Variants in TTLL5 observed in about 807,000 individuals in gnomAD.
The protein encoded by TTLL5 is tubulin polyglutamylase TTLL5.
In TTLL5, 132 loss-of-function variants were observed where a neutral mutation model predicts 168.4. The ratio of observed to expected loss-of-function variants is 0.78; its 90% CI spans 0.68 to 0.91. TTLL5 has a LOEUF of 0.91. TTLL5 is among the 40% of genes least tolerant of loss of function. The probability of loss-of-function intolerance (pLI) is 0.00; values close to 1 mark genes in which losing one functional copy is unlikely to be tolerated. For synonymous variants in TTLL5, 546 were observed against 558.6 expected, an observed-to-expected ratio of 0.98 and a Z score of 0.32; for missense variants, 1,545 against 1,581.5, an observed-to-expected ratio of 0.98 and a Z score of 0.39.
chr14:75,909,083 C>T lies in TTLL5; in HGVS notation c.3823+6859C>T, dbSNP rs1474609520. Reference sequence around the variant, plus strand: ...GTGAACCACCACACCTGGCCATTTTCTGTATTCTTAGTGCCCTGGCATTTG... The same window carrying T: ...GTGAACCACCACACCTGGCCATTTTTTGTATTCTTAGTGCCCTGGCATTTG... On this transcript the variant is annotated intron_variant, in intron 31 of 31. Transcript: ENST00000298832. 2.0e-5 allele frequency among the ~76,000 whole-genome samples: 3 copies of T among 151,996 alleles called. No individual in the cohort carries two copies. The East Asian group carries it at 5.8e-4, about 29-fold the overall frequency.
intron 31 of TTLL5, among the ~76,000 whole-genome samples, chr14:75,930,397 C>T (rs748857130): frequency 1.3e-4 from 20 of 152,092 alleles, no homozygotes; most frequent in Admixed American, 3.9e-4. Flanking sequence ...TGAGTGCTAA[C>T]GTGACACTCA....
intron 9 of TTLL5, among the ~76,000 whole-genome samples, chr14:75,708,743 AC>A (rs1191597058): frequency 6.6e-6 from 1 of 151,990 alleles, no homozygotes; most frequent in African/African-American, 2.4e-5. Flanking sequence ...GTTTTTGTAA[AC>A]CCTTTAAATT....
chr14:75,733,128 A>G (rs1566831575), intron 13 of TTLL5, among the ~76,000 whole-genome samples: 1 of 152,216 alleles, frequency 6.6e-6, no homozygotes, highest in African/African-American at 2.4e-5. Flanking sequence ...CAGATTGACT[A>G]CTTTTGGAGT....
intron 13 of TTLL5, 62 bp downstream of exon 13, chr14:75,732,481 T>G: frequency 6.8e-7 from 1 of 1,461,926 alleles, no homozygotes; most frequent in Non-Finnish European, 9.5e-7. Flanking sequence ...AGCACTTTTT[T>G]TTTTTTGATC....
chr14:75,719,238 A>G (rs117192088), intron 10 of TTLL5, among the ~76,000 whole-genome samples: 1,890 of 152,280 alleles, frequency 0.012, 16 homozygotes, highest in South Asian at 0.026. Context: ...AGAGGAGGGA[A>G]CCTGCTTCAG....
chr14:75,785,946 C>A (rs767931440), intron 26 of TTLL5, among the ~76,000 whole-genome samples: 2 of 152,126 alleles, frequency 1.3e-5, no homozygotes, highest in Non-Finnish European at 2.9e-5. Context: ...ATCTGTGGAT[C>A]AGTTTGGGGA....
At chr14:75,681,734 C>A in intron 4 of TTLL5, 107 bp downstream of exon 4, 2 of 909,232 alleles carry the variant, frequency 2.2e-6, no homozygotes, top group Non-Finnish European at 3.5e-6. Flanking sequence ...GTACATGGGA[C>A]CAATGCTTAG....
chr14:75,681,929 G>A (rs1472669300), intron 4 of TTLL5, among the ~76,000 whole-genome samples: 3 of 152,014 alleles, frequency 2.0e-5, no homozygotes, highest in Non-Finnish European at 4.4e-5. Flanking sequence ...TTGATTGCAG[G>A]CAACTGAACA....
intron 4 of TTLL5, among the ~76,000 whole-genome samples, chr14:75,681,916 T>G (rs915388016): frequency 1.3e-5 from 2 of 152,070 alleles, no homozygotes; most frequent in African/African-American, 4.8e-5. Flanking sequence ...CAATTAAGGT[T>G]CTTTGATTGC....
intron 9 of TTLL5, chr14:75,711,517 T>A (rs1887075177): frequency 6.6e-6 from 1 of 152,054 alleles, no homozygotes; most frequent in Non-Finnish European, 1.5e-5. Context: ...AAAATAAAAA[T>A]TTCAAAAAAA....
chr14:75,861,043 C>G (rs926972041), intron 28 of TTLL5, among the ~76,000 whole-genome samples: 1 of 152,182 alleles, frequency 6.6e-6, no homozygotes, highest in Non-Finnish European at 1.5e-5. Flanking sequence ...TTTTAACTGT[C>G]TGATAACATG....
chr14:75,886,298 AG>A (rs1440414263), intron 30 of TTLL5, among the ~76,000 whole-genome samples: 1 of 152,182 alleles, frequency 6.6e-6, no homozygotes, highest in Admixed American at 6.5e-5. Flanking sequence ...TTTGGTGCAA[AG>A]GGAGTTGAGA....
chr14:75,952,659 A>G (rs959883197), intron 31 of TTLL5, among the ~76,000 whole-genome samples: 6 of 152,260 alleles, frequency 3.9e-5, no homozygotes, highest in African/African-American at 1.2e-4. Flanking sequence ...TATACACACA[A>G]TGGAATATTA....
chr14:75,870,242 C>T (rs982875015), intron 29 of TTLL5, among the ~76,000 whole-genome samples: 3 of 150,746 alleles, frequency 2.0e-5, no homozygotes, highest in East Asian at 3.9e-4. Flanking sequence ...TAGGCCTAGA[C>T]GTCATCCCAA....
chr14:75,769,385 A>T (rs1371906763), intron 20 of TTLL5, among the ~76,000 whole-genome samples: 4 of 152,146 alleles, frequency 2.6e-5, no homozygotes, highest in Non-Finnish European at 4.4e-5. Context: ...TTTGTTTTTT[A>T]AAATAGGTTT....
chr14:75,842,275 T>C (rs1896301225), intron 28 of TTLL5, among the ~76,000 whole-genome samples: 1 of 152,210 alleles, frequency 6.6e-6, no homozygotes, highest in African/African-American at 2.4e-5. Context: ...CATTGACCTT[T>C]CTGTCTATTC....
intron 28 of TTLL5, among the ~76,000 whole-genome samples, chr14:75,833,794 AT>A (rs900951134): frequency 6.6e-6 from 1 of 152,172 alleles, no homozygotes; most frequent in African/African-American, 2.4e-5. Context: ...GAGTGTGCAA[AT>A]TCTCATGCTT....
chr14:75,767,635 T>C (rs933272159), intron 20 of TTLL5, among the ~76,000 whole-genome samples: 1 of 152,066 alleles, frequency 6.6e-6, no homozygotes, highest in African/African-American at 2.4e-5. Context: ...GACTAAAAAA[T>C]TGGATGTTGT....
rs1348578690 is a variant in TTLL5, at chr14:75,719,787, A to G, written c.895A>G (p.Met299Val). The change falls in exon 11 of 32, where the codon ATG becomes GTG. Residue 299 changes from methionine to valine, a missense_variant. By Grantham distance (21) the Met-to-Val change is conservative. Transcript: ENST00000298832. The stretch of plus-strand genomic sequence containing the variant: ...TGGAAACAAATGGAGCATGAGTGCT[A>G]TGCTTAGGTACCTGAAACAAGAAGG... ...DYGNKWSMSA[M>V]LRYLKQEGRD... The G allele has an allele frequency of 5.6e-6, 9 of 1,614,002 alleles. No individual in the cohort carries two copies. The highest frequency in any genetic ancestry group is 1.7e-5 in the Admixed American group (1 of 60,000).
Sources: gnomAD v4.1 joint callset for allele counts (sites outside exome capture counted in the v4.1 genomes callset) on GRCh38, gnomAD v4.1.1 for gene constraint, MANE v1.5 for transcripts, NCBI Gene and HGNC (gene_info 2026-07-23, HGNC 2026-07-21) for gene names.